AP4E1: variants seen among roughly 807,000 people sequenced by gnomAD.
AP4E1 encodes adaptor related protein complex 4 subunit epsilon 1, also known as AP-4 complex subunit epsilon-1.
AP4E1 carries 56 observed loss-of-function variants against 128.2 expected under a neutral mutation model. The observed-to-expected ratio is 0.44, with a 90% CI of 0.35 to 0.55. The LOEUF (loss-of-function observed/expected upper bound fraction) is 0.55, where lower values mean the gene tolerates loss of function less well. AP4E1 is among the 20% of genes least tolerant of loss of function. The probability of loss-of-function intolerance (pLI) is 0.00; values close to 1 mark genes in which losing one functional copy is unlikely to be tolerated. For synonymous variants in AP4E1, 484 were observed against 473.1 expected, an observed-to-expected ratio of 1.02 and a Z score of -0.30; for missense variants, 1,324 against 1,307.7, an observed-to-expected ratio of 1.01 and a Z score of -0.19.
chr15:50,992,714 C>A (rs1299085791), intron 16 of AP4E1, among the ~76,000 whole-genome samples: 1 of 151,876 alleles, frequency 6.6e-6, no homozygotes, highest in Non-Finnish European at 1.5e-5. Flanking sequence ...TTACTTTTTT[C>A]TTTTTTAGAT....
chr15:50,976,583 T>C (rs2064554610), intron 15 of AP4E1, among the ~76,000 whole-genome samples: 1 of 152,130 alleles, frequency 6.6e-6, no homozygotes, highest in South Asian at 2.1e-4. Flanking sequence ...GGAAAATTGT[T>C]CCTCTTTGCA....
intron 4 of AP4E1, 85 bp from the exon 5 acceptor site, chr15:50,925,013 T>C (rs2063751939): frequency 6.8e-7 from 1 of 1,476,246 alleles, no homozygotes; most frequent in Non-Finnish European, 9.4e-7. Context: ...AATTACTAAG[T>C]ATATAGGACC....
At chr15:50,945,923 G>A (rs781187761) in intron 10 of AP4E1, 19 of 1,271,448 alleles carry the variant, frequency 1.5e-5, no homozygotes, top group East Asian at 7.0e-5. Flanking sequence ...GAAGTGAATC[G>A]TATTAAACAC....
intron 13 of AP4E1, among the ~76,000 whole-genome samples, chr15:50,952,913 G>T (rs769884983): frequency 3.3e-5 from 5 of 152,024 alleles, no homozygotes; most frequent in Non-Finnish European, 7.3e-5. Context: ...ATTGGTGATT[G>T]TAAGTTTATA....
chr15:50,970,801 T>C (rs1414258424), intron 15 of AP4E1, among the ~76,000 whole-genome samples: 1 of 152,206 alleles, frequency 6.6e-6, no homozygotes, highest in Non-Finnish European at 1.5e-5. Flanking sequence ...GTCTTGTTTT[T>C]TGAAAATCCA....
intron 3 of AP4E1, 91 bp from the exon 4 acceptor site, chr15:50,923,840 C>T (rs1162338507): frequency 2.1e-6 from 2 of 937,268 alleles, no homozygotes; most frequent in East Asian, 2.5e-5. Flanking sequence ...TAACTGGTAT[C>T]TTTGATACTT....
At chr15:50,941,595 A>G in intron 9 of AP4E1, 31 bp downstream of exon 9, 1 of 1,612,688 alleles carries the variant, frequency 6.2e-7, no homozygotes, top group Non-Finnish European at 8.5e-7. Context: ...GACAGAAATT[A>G]CAGAGATAGC....
intron 17 of AP4E1, among the ~76,000 whole-genome samples, chr15:50,994,232 A>T (rs1486564347): frequency 2.0e-5 from 3 of 152,244 alleles, no homozygotes; most frequent in African/African-American, 7.2e-5. Context: ...AACTTTTTAT[A>T]CTGAGAAATT....
chr15:50,949,218 C>T (rs2064110984), intron 11 of AP4E1, among the ~76,000 whole-genome samples: 1 of 151,420 alleles, frequency 6.6e-6, no homozygotes, highest in African/African-American at 2.4e-5. Flanking sequence ...CACGACCAGC[C>T]TGGGCAACAC....
At chr15:50,925,252 C>T in intron 5 of AP4E1, 33 bp downstream of exon 5, 1 of 1,597,838 alleles carries the variant, frequency 6.3e-7, no homozygotes, top group Non-Finnish European at 8.6e-7. Flanking sequence ...GGCATCTATG[C>T]CATATATTTC....
chr15:50,952,188 CATAAGT>C (rs1480775886), intron 13 of AP4E1, among the ~76,000 whole-genome samples: 1 of 152,048 alleles, frequency 6.6e-6, no homozygotes, highest in Non-Finnish European at 1.5e-5. Context: ...CTATGAATGA[CATAAGT>C]ATAAAACTGT....
At chr15:50,910,324 G>T (rs2063550237) in intron 1 of AP4E1, among the ~76,000 whole-genome samples, 1 of 152,126 alleles carries the variant, frequency 6.6e-6, no homozygotes, top group South Asian at 2.1e-4. Flanking sequence ...GTAGTATACC[G>T]ATTCACAGCT....
chr15:50,911,987 G>A, intron 1 of AP4E1, 91 bp from the exon 2 acceptor site: 4 of 972,322 alleles, frequency 4.1e-6, no homozygotes, highest in South Asian at 2.8e-5. Context: ...TAAATTAAAA[G>A]TATTGTAAAT....
At position 50,946,285 on chromosome 15, in the gene AP4E1, A is replaced by G. The variant is rs190529794; in HGVS notation, c.1177-1735A>G. 2.0e-5 allele frequency among the ~76,000 whole-genome samples: 3 copies of G among 152,332 alleles called. No homozygotes were observed. The East Asian group carries it at 5.8e-4, about 29-fold the overall frequency. ...CTCTGTATATTCTCTCTGATCTATT[A>G]TTGTAGACACTGCACATTCAAATTG... On this transcript the variant is annotated intron_variant, in intron 10 of 20. Coordinates refer to ENST00000261842, the MANE Select transcript of AP4E1 (RefSeq NM_007347.5).
At chr15:50,968,909 C>T (rs750329299) in intron 15 of AP4E1, among the ~76,000 whole-genome samples, 8 of 151,902 alleles carry the variant, frequency 5.3e-5, no homozygotes, top group Non-Finnish European at 8.8e-5. Flanking sequence ...TGAGCCACTG[C>T]GACTGGCCAT....
rs1022960700 is a variant in AP4E1, at chr15:50,953,004, A to T, written c.1548+2835A>T. On this transcript the variant is annotated intron_variant, in intron 13 of 20. Coordinates refer to ENST00000261842, the MANE Select transcript of AP4E1 (RefSeq NM_007347.5). ...TTTGGGAGGTGGGAGGATTGCTTGA[A>T]GCCAGAGTTTGAGATCAGCTTGGGC... Among the ~76,000 whole-genome samples the T allele has an allele frequency of 2.0e-5, 3 of 152,230 alleles. No homozygotes were observed. The South Asian group carries it at 6.2e-4, about 32-fold the overall frequency.
intron 13 of AP4E1, 135 bp from the exon 14 acceptor site, chr15:50,958,357 A>G (rs2064260107): frequency 1.4e-6 from 1 of 721,716 alleles, no homozygotes; most frequent in African/African-American, 1.8e-5. Context: ...TGTATCTTTA[A>G]TAATTTTTTC....
At chr15:50,947,614 A>G (rs2064080781) in intron 10 of AP4E1, among the ~76,000 whole-genome samples, 2 of 152,170 alleles carry the variant, frequency 1.3e-5, no homozygotes, top group African/African-American at 4.8e-5. Flanking sequence ...CATGGGAAAT[A>G]GTTTCCAAGA....
chr15:50,996,940 G>T (rs1430507551), intron 17 of AP4E1, among the ~76,000 whole-genome samples: 2 of 152,154 alleles, frequency 1.3e-5, no homozygotes, highest in Non-Finnish European at 2.9e-5. Context: ...CTGCATTCAA[G>T]AGTAACTTAG....
Sources: allele counts gnomAD v4.1 joint callset (sites outside exome capture counted in the v4.1 genomes callset), GRCh38; gene constraint gnomAD v4.1.1; transcripts MANE v1.5; gene names NCBI Gene and HGNC (gene_info 2026-07-23, HGNC 2026-07-21).